COL28A1: variants seen among roughly 807,000 people sequenced by gnomAD.
The protein encoded by COL28A1 is collagen type XXVIII alpha 1 chain, also known as collagen alpha-1(XXVIII) chain.
Under a neutral mutation model 150.2 loss-of-function variants are expected in COL28A1, and 161 were observed. The ratio of observed to expected loss-of-function variants is 1.07; its 90% CI spans 0.94 to 1.22. The LOEUF is 1.22. Ranked by LOEUF, COL28A1 falls within the 50% of genes most tolerant of loss-of-function variation. The pLI is 0.00. For missense variants in COL28A1, 1,617 were observed against 1,388.3 expected (o/e 1.16, Z -2.62); for synonymous variants, 552 against 469.7 (o/e 1.18, Z -2.26).
At chr7:7,533,620 G>A (rs766519778) in intron 1 of COL28A1, among the ~76,000 whole-genome samples, 7 of 152,128 alleles carry the variant, frequency 4.6e-5, no homozygotes, top group Non-Finnish European at 8.8e-5. Context: ...CTAATGGACA[G>A]AAACGGGACT....
intron 33 of COL28A1, among the ~76,000 whole-genome samples, chr7:7,362,041 C>T (rs3890981): frequency 0.78 from 117,980 of 151,340 alleles, 46,146 homozygotes; most frequent in East Asian, 0.87. Context: ...TGGGTGGGGG[C>T]CTAGGGCAAG....
chr7:7,355,313 C>T (rs190839607), downstream of COL28A1, among the ~76,000 whole-genome samples: 426 of 152,108 alleles, frequency 2.8e-3, 4 homozygotes, highest in African/African-American at 9.7e-3. Context: ...ACCAGAGAAA[C>T]GTAAATAAAA....
At chr7:7,387,814 G>A (rs1486881279) in intron 27 of COL28A1, among the ~76,000 whole-genome samples, 1 of 152,142 alleles carries the variant, frequency 6.6e-6, no homozygotes, top group Non-Finnish European at 1.5e-5. Context: ...TGCTGCAGCG[G>A]CTAAAGCATA....
chr7:7,362,723 A>C (rs919956029), intron 33 of COL28A1, among the ~76,000 whole-genome samples: 4 of 152,144 alleles, frequency 2.6e-5, no homozygotes, highest in Non-Finnish European at 5.9e-5. Context: ...GTGGAGACAA[A>C]ACTGTGGATT....
chr7:7,398,903 C>T (rs138063736), intron 27 of COL28A1, among the ~76,000 whole-genome samples: 1 of 152,262 alleles, frequency 6.6e-6, no homozygotes, highest in Non-Finnish European at 1.5e-5. Context: ...TACTCCGATG[C>T]CTCCGTTGGT....
chr7:7,417,508 AGGGAAGGAGGGAGGGGG>A, intron 27 of COL28A1: 1 of 153,448 alleles, frequency 6.5e-6, no homozygotes, highest in African/African-American at 9.1e-5. Context: ...AGGGAGGGGG[AGGGAAGGAGGGAGGGGG>A]GAGGGAGGGA....
At chr7:7,363,073 G>GTT (rs918201348) in intron 33 of COL28A1, among the ~76,000 whole-genome samples, 10 of 151,732 alleles carry the variant, frequency 6.6e-5, no homozygotes, top group Middle Eastern at 3.4e-3. Context: ...AAAAGTACTG[G>GTT]TTTTTTTTGC....
chr7:7,458,108 T>C (rs751877273), intron 15 of COL28A1, among the ~76,000 whole-genome samples: 5 of 152,186 alleles, frequency 3.3e-5, no homozygotes, highest in African/African-American at 9.7e-5. Context: ...TAAATAAATA[T>C]GTTTTTATGA....
intron 15 of COL28A1, among the ~76,000 whole-genome samples, chr7:7,473,699 G>A (rs1788625095): frequency 1.3e-5 from 2 of 152,082 alleles, no homozygotes; most frequent in African/African-American, 2.4e-5. Flanking sequence ...TCTACCCAGA[G>A]GAAAAGTCGT....
rs533722539 is a variant in COL28A1 at position 7,384,272 on chromosome 7, G to C, written c.2137-2660C>G. On this transcript the variant is annotated intron_variant, in intron 27 of 34. Coordinates refer to ENST00000399429, the MANE Select transcript of COL28A1 (RefSeq NM_001037763.3). ...TGCAGTGTTGCACTACAATGTCTTG[G>C]GCCCACCTAAGGAGGCTCACCCAGA... Among the ~76,000 whole-genome samples the C allele has an allele frequency of 7.9e-5, 12 of 152,204 alleles. No homozygotes were observed. In the South Asian group the frequency reaches 2.3e-3, roughly 29 times the overall value.
chr7:7,524,138 C>A lies in COL28A1; in HGVS notation c.702+91G>T. 3 of 792,336 alleles carry A rather than the reference C, an allele frequency of 3.8e-6. No individual in the cohort carries two copies. In the South Asian group the frequency reaches 4.8e-5, roughly 13 times the overall value. The allele number at this position is 792,336 out of a possible 1,614,324, so 49.1% of individuals were successfully genotyped here. Reference sequence around the variant, plus strand: ...AAAGAACTAAGCATTTTTATTTAGTCACACTTAATCTTCTAATGTGAATTA... The same window carrying A: ...AAAGAACTAAGCATTTTTATTTAGTAACACTTAATCTTCTAATGTGAATTA... On this transcript the variant is annotated intron_variant, in intron 4 of 34. Transcript: ENST00000399429.
In COL28A1 at chr7:7,531,881, C is replaced by G. The variant is rs535896458; in HGVS notation, c.148G>C (p.Val50Leu). 26 of 1,605,652 alleles carry G rather than the reference C, an allele frequency of 1.6e-5. 1 individual carries two copies. In the South Asian group the frequency reaches 2.9e-4, roughly 18 times the overall value. Residue 50 changes from valine (V) to leucine (L), a missense_variant, in exon 3 of 35, where the codon GTC becomes CTC. Coordinates refer to ENST00000399429, the MANE Select transcript of COL28A1 (RefSeq NM_001037763.3). The part of the protein sequence containing the change: ...VQGSICFIDI[V>L]FIVDSSESSK... The stretch of plus-strand genomic sequence containing the variant: ...CTTTCAGAGCTGTCCACGATGAAGA[C>G]AATATCTATGAAACAAATGGAGCCT...
intron 7 of COL28A1, among the ~76,000 whole-genome samples, chr7:7,516,906 C>A (rs777564386): frequency 6.6e-6 from 1 of 151,876 alleles, no homozygotes; most frequent in Non-Finnish European, 1.5e-5. Context: ...ACTTTTTTTA[C>A]AAAAGGAAAC....
At chr7:7,453,938 T>C (rs1160308346) in intron 16 of COL28A1, among the ~76,000 whole-genome samples, 1 of 152,190 alleles carries the variant, frequency 6.6e-6, no homozygotes, top group Non-Finnish European at 1.5e-5. Flanking sequence ...ACCCTCAGTA[T>C]GGCAGACTAT....
At chr7:7,427,219 C>T (rs750360203) in intron 25 of COL28A1, among the ~76,000 whole-genome samples, 1 of 152,144 alleles carries the variant, frequency 6.6e-6, no homozygotes, top group Non-Finnish European at 1.5e-5. Flanking sequence ...GAATAGTCAC[C>T]TTTTCCTGGT....
chr7:7,431,483 T>G (rs754256370), intron 25 of COL28A1: 16 of 469,584 alleles, frequency 3.4e-5, no homozygotes, highest in Admixed American at 9.4e-5. Context: ...GAGGTGACAT[T>G]TGAGCTAAGC....
At chr7:7,420,930 T>C (rs1430000406) in intron 25 of COL28A1, among the ~76,000 whole-genome samples, 1 of 152,174 alleles carries the variant, frequency 6.6e-6, no homozygotes, top group African/African-American at 2.4e-5. Context: ...TGGAAAACAG[T>C]TTGGTGGTTT....
intron 27 of COL28A1, among the ~76,000 whole-genome samples, chr7:7,395,083 G>A (rs1782760388): frequency 6.6e-6 from 1 of 152,196 alleles, no homozygotes; most frequent in Non-Finnish European, 1.5e-5. Context: ...CTTGAGGCCA[G>A]GAGCTCGAGA....
intron 27 of COL28A1, among the ~76,000 whole-genome samples, chr7:7,383,026 T>C (rs1781952281): frequency 2.0e-5 from 3 of 152,116 alleles, no homozygotes; most frequent in African/African-American, 4.8e-5. Flanking sequence ...TATTCTCTTT[T>C]AAATTGTTAT....
Sources: allele counts gnomAD v4.1 joint callset (sites outside exome capture counted in the v4.1 genomes callset), GRCh38; gene constraint gnomAD v4.1.1; transcripts MANE v1.5; gene names NCBI Gene and HGNC (gene_info 2026-07-23, HGNC 2026-07-21).